RFC1: variants seen among roughly 807,000 people sequenced by gnomAD.
The protein encoded by RFC1 is replication factor C subunit 1.
A neutral mutation model predicts 137.4 loss-of-function variants in RFC1; 37 were observed. That is an observed-to-expected ratio of 0.27 (90% CI 0.21 to 0.35). RFC1 has a LOEUF of 0.35. Ranked by LOEUF, RFC1 falls within the 10% of genes least tolerant of loss-of-function variation. RFC1 has a pLI of 1.00. For synonymous variants in RFC1, 429 were observed against 455.7 expected, an observed-to-expected ratio of 0.94 and a Z score of 0.75; for missense variants, 1,205 against 1,358.5, an observed-to-expected ratio of 0.89 and a Z score of 1.78.
At chr4:39,291,025 A>G (rs17335535) in intron 23 of RFC1, among the ~76,000 whole-genome samples, 1 of 152,198 alleles carries the variant, frequency 6.6e-6, no homozygotes, top group South Asian at 2.1e-4. Flanking sequence ...ACTGATAACC[A>G]TAAAGTCGGG....
intron 4 of RFC1, among the ~76,000 whole-genome samples, chr4:39,339,729 T>A (rs961002157): frequency 2.6e-5 from 4 of 152,192 alleles, no homozygotes; most frequent in Non-Finnish European, 5.9e-5. Flanking sequence ...CTGTGTCAAA[T>A]CTGTGTGTAT....
intron 12 of RFC1, 83 bp downstream of exon 12, chr4:39,311,362 A>G: frequency 9.0e-7 from 1 of 1,110,310 alleles, no homozygotes; most frequent in Non-Finnish European, 1.3e-6. Flanking sequence ...TCAGCCAACA[A>G]GCCTGTATCC....
intron 1 of RFC1, among the ~76,000 whole-genome samples, chr4:39,363,137 TACCA>T (rs2109786281): frequency 6.6e-6 from 1 of 152,376 alleles, no homozygotes; most frequent in Admixed American, 6.5e-5. Flanking sequence ...TCAATAATTA[TACCA>T]ACCAATTAAT....
intron 11 of RFC1, 21 bp downstream of exon 11, chr4:39,312,731 T>C (rs753784778): frequency 6.2e-7 from 1 of 1,602,822 alleles, no homozygotes; most frequent in Non-Finnish European, 8.5e-7. Flanking sequence ...GTCATGGTGT[T>C]GAGAACAAAG....
chr4:39,351,271 A>G (rs1741184417), intron 2 of RFC1, 77 bp downstream of exon 2: 4 of 671,160 alleles, frequency 6.0e-6, no homozygotes, highest in East Asian at 7.3e-5. Context: ...AAAAAAAAAA[A>G]AAAAAAAAAA....
intron 10 of RFC1, among the ~76,000 whole-genome samples, chr4:39,316,026 T>A (rs1739222855): frequency 6.6e-6 from 1 of 151,670 alleles, no homozygotes; most frequent in African/African-American, 2.4e-5. Flanking sequence ...AGGTCGAGAG[T>A]TCGAGGCCAG....
chr4:39,303,223 A>G (rs1433962159), intron 15 of RFC1, 72 bp from the exon 16 acceptor site: 3 of 969,264 alleles, frequency 3.1e-6, no homozygotes, highest in East Asian at 2.4e-5. Flanking sequence ...GCTGCTCTGT[A>G]GAAAATTATG....
At chr4:39,294,150 ATTTC>A (rs1737847001) in intron 22 of RFC1, among the ~76,000 whole-genome samples, 4 of 152,180 alleles carry the variant, frequency 2.6e-5, no homozygotes, top group Admixed American at 2.6e-4. Flanking sequence ...GTGTGTTGTA[ATTTC>A]TTACAACAGC....
chr4:39,298,374 G>T (rs992860453), intron 21 of RFC1, among the ~76,000 whole-genome samples: 3 of 148,746 alleles, frequency 2.0e-5, no homozygotes, highest in Non-Finnish European at 4.5e-5. Flanking sequence ...TTGTTTTCAA[G>T]CAATGTGTGA....
chr4:39,348,430 A>AAGGAAAGGAAAGG, intron 2 of RFC1, among the ~76,000 whole-genome samples: 1 of 39,736 alleles, frequency 2.5e-5, no homozygotes, highest in Middle Eastern at 0.013. Context: ...TTCAAAAAAG[A>AAGGAAAGGAAAGG]AAAGAAAAGA....
chr4:39,327,797 A>G, intron 4 of RFC1, 41 bp from the exon 5 acceptor site: 2 of 1,406,754 alleles, frequency 1.4e-6, no homozygotes, highest in Non-Finnish European at 1.9e-6. Context: ...TAAAACATCA[A>G]TTCGGTTATA....
At chr4:39,343,197 A>G (rs1740690639) in intron 3 of RFC1, among the ~76,000 whole-genome samples, 1 of 151,884 alleles carries the variant, frequency 6.6e-6, no homozygotes, top group South Asian at 2.1e-4. Context: ...TAATTTTTGT[A>G]TTTTTAGTAG....
chr4:39,324,551 A>G (rs1317324221), intron 6 of RFC1, among the ~76,000 whole-genome samples: 2 of 152,252 alleles, frequency 1.3e-5, no homozygotes, highest in Non-Finnish European at 1.5e-5. Context: ...CAAATAAGAT[A>G]GAAAAACATT....
chr4:39,342,423 G>A lies in RFC1; in HGVS notation c.253C>T (p.Pro85Ser), dbSNP rs780617627. Residue 85 changes from proline to serine, a missense_variant, in exon 4 of 25, where the codon CCA becomes TCA. Pro to Ser is a moderately conservative substitution (Grantham distance 74). Around this residue, in one of 3 missense-constraint regions of RFC1, gnomAD observed 962 missense variants for 1,035.3 expected, o/e 0.93. Coordinates refer to ENST00000349703, the MANE Select transcript of RFC1 (RefSeq NM_002913.5). Reference sequence around the variant, plus strand: ...GAAGATACTGGCAGTTTTTCTGGTGGCTTTTTGGCATTTTTTACCTGCAAC... The same window carrying A: ...GAAGATACTGGCAGTTTTTCTGGTGACTTTTTGGCATTTTTTACCTGCAAC... ...ETLQVKNAKK[P>S]PEKLPVSSKP... The A allele has an allele frequency of 1.2e-6, 2 of 1,613,366 alleles. No homozygotes were observed. Among genetic ancestry groups the A allele is most frequent in the Non-Finnish European group, 1.7e-6 (2 of 1,179,508 alleles).
Position 39,320,497 on chromosome 4 carries a change from C to T in RFC1, c.981G>A (p.Glu327=), listed in dbSNP as rs758412056. 1 of 1,610,210 alleles carries T rather than the reference C, an allele frequency of 6.2e-7. No individual in the cohort carries two copies. The highest frequency in any genetic ancestry group is 2.2e-5 in the East Asian group (1 of 44,794). The change falls in exon 9 of 25, where the codon GAG becomes GAA. Residue 327 remains glutamate (E), a synonymous_variant. Transcript: ENST00000349703. ...CAGGCTCTATTTCTTTATAAGAGCT[C>T]TCTTCTTTTCTTTTCATAATTGCCA... ...SKLAIMKRKE[E]SSYKEIEPVA... is the part of the protein sequence containing the mutation.
chr4:39,342,241 GCA>G, intron 4 of RFC1, 102 bp downstream of exon 4: 2 of 1,294,484 alleles, frequency 1.5e-6, no homozygotes, highest in Non-Finnish European at 2.1e-6. Context: ...AAGCAAAAAG[GCA>G]GTAGAAATTC....
chr4:39,303,819 T>C lies in RFC1; in HGVS notation c.2111-668A>G, dbSNP rs193271823. Among the ~76,000 whole-genome samples the C allele has an allele frequency of 2.0e-5, 3 of 152,370 alleles. No individual in the cohort carries two copies. In the East Asian group the frequency reaches 5.8e-4, roughly 29 times the overall value. ...CTTACAGATACAGAACACTTCATTT[T>C]TTAAGGCAATTTAATACTCCATTCT... On this transcript the variant is annotated intron_variant, in intron 15 of 24. Coordinates refer to ENST00000349703, the MANE Select transcript of RFC1 (RefSeq NM_002913.5).
chr4:39,341,703 C>CA (rs1412807931), intron 4 of RFC1: 3 of 455,728 alleles, frequency 6.6e-6, no homozygotes, highest in South Asian at 4.7e-5. Flanking sequence ...ATGACTTCAC[C>CA]ACTAACTTAT....
intron 16 of RFC1, 36 bp downstream of exon 16, chr4:39,303,022 TCA>T: frequency 1.3e-6 from 2 of 1,534,208 alleles, no homozygotes; most frequent in Non-Finnish European, 1.8e-6. Context: ...ATCTAAATTA[TCA>T]ACAGTGAAAC....
Sources: gnomAD v4.1 joint callset for allele counts (sites outside exome capture counted in the v4.1 genomes callset) on GRCh38, gnomAD v4.1.1 for gene constraint, gnomAD v4.1.1 regional missense constraint, MANE v1.5 for transcripts, NCBI Gene and HGNC (gene_info 2026-07-23, HGNC 2026-07-21) for gene names.